UBE3D: variants seen among roughly 807,000 people sequenced by gnomAD.
UBE3D encodes the protein E3 ubiquitin-protein ligase E3D.
A neutral mutation model predicts 49.6 loss-of-function variants in UBE3D; 48 were observed. The ratio of observed to expected loss-of-function variants is 0.97; its 90% CI spans 0.77 to 1.23. UBE3D has a LOEUF of 1.23. Ranked by LOEUF, UBE3D falls within the 50% of genes most tolerant of loss-of-function variation. The pLI is 0.00. For synonymous variants in UBE3D, 189 were observed against 174.2 expected, an observed-to-expected ratio of 1.08 and a Z score of -0.67; for missense variants, 452 against 468.4, an observed-to-expected ratio of 0.96 and a Z score of 0.32.
chr6:82,890,269 C>G (rs1472329582), downstream of UBE3D, among the ~76,000 whole-genome samples: 1 of 152,172 alleles, frequency 6.6e-6, no homozygotes, highest in African/African-American at 2.4e-5. Flanking sequence ...CACCAATTCA[C>G]TCACCCACAG....
intron 5 of UBE3D, among the ~76,000 whole-genome samples, chr6:83,033,462 G>A (rs1466297251): frequency 2.6e-5 from 4 of 152,082 alleles, no homozygotes; most frequent in Non-Finnish European, 5.9e-5. Context: ...GTTGGAGGTG[G>A]GACCTGGTGG....
intron 8 of UBE3D, among the ~76,000 whole-genome samples, chr6:82,961,454 G>A (rs1000715164): frequency 6.6e-6 from 1 of 152,158 alleles, no homozygotes; most frequent in African/African-American, 2.4e-5. Flanking sequence ...TTTAAAAATA[G>A]GAAACCAAAG....
downstream of UBE3D, among the ~76,000 whole-genome samples, chr6:82,889,755 G>C (rs1180684269): frequency 6.6e-6 from 1 of 151,816 alleles, no homozygotes; most frequent in South Asian, 2.1e-4. Context: ...ATGTAAGCTC[G>C]ATGCGGGCAA....
At chr6:82,975,251 G>A (rs1475590178) in intron 8 of UBE3D, among the ~76,000 whole-genome samples, 5 of 151,990 alleles carry the variant, frequency 3.3e-5, no homozygotes, top group Non-Finnish European at 7.4e-5. Context: ...TAAAGTATGA[G>A]ACCTCTAAAA....
chr6:82,952,035 C>T (rs1775836467), intron 9 of UBE3D, among the ~76,000 whole-genome samples: 1 of 152,170 alleles, frequency 6.6e-6, no homozygotes, highest in African/African-American at 2.4e-5. Context: ...TTGAGAAATA[C>T]TGTTTACTAT....
intron 3 of UBE3D, among the ~76,000 whole-genome samples, chr6:83,046,672 C>CCGGGGGGGGGGGGGGGGGGGGGGGG (rs144340435): frequency 9.5e-6 from 1 of 105,054 alleles, no homozygotes; most frequent in African/African-American, 4.7e-5. Context: ...TTGCAGTTGG[C>CCGGGGGGGGGGGGGGGGGGGGGGGG]GGGGGGGGTG....
chr6:83,048,425 C>T (rs548949909), intron 3 of UBE3D, among the ~76,000 whole-genome samples: 1 of 152,228 alleles, frequency 6.6e-6, no homozygotes, highest in Admixed American at 6.5e-5. Flanking sequence ...GGACTTTCTC[C>T]ATCATTAAGA....
chr6:82,962,674 T>C (rs1014566866), intron 8 of UBE3D, among the ~76,000 whole-genome samples: 14 of 152,166 alleles, frequency 9.2e-5, no homozygotes, highest in Admixed American at 9.2e-4. Flanking sequence ...TTGAAGCGCA[T>C]AAAGGAAAAG....
chr6:82,930,980 C>G (rs1266035373), intron 9 of UBE3D, among the ~76,000 whole-genome samples: 1 of 152,224 alleles, frequency 6.6e-6, no homozygotes, highest in Non-Finnish European at 1.5e-5. Flanking sequence ...GCCTGGAGGC[C>G]TAGGAGGAAA....
chr6:82,882,849 A>T, the UBE3D span, among the ~76,000 whole-genome samples: 2 of 152,306 alleles, frequency 1.3e-5, no homozygotes, highest in East Asian at 3.9e-4. Flanking sequence ...CTTTCAGCAC[A>T]TACAAAAGCC....
At position 83,045,885 on chromosome 6, in the gene UBE3D, G is replaced by A. The variant is rs569044513; in HGVS notation, c.366-1226C>T. ...TTAGTCATCATGTCTCCCTAGTCTC[G>A]TCTGGTCTATAACAGTTTCTCAATA... On this transcript the variant is annotated intron_variant, in intron 3 of 9. Coordinates refer to ENST00000369747, the MANE Select transcript of UBE3D (RefSeq NM_198920.3). 1.1e-4 allele frequency among the ~76,000 whole-genome samples: 17 copies of A among 151,918 alleles called. No homozygotes were observed. The East Asian group carries it at 1.7e-3, about 16-fold the overall frequency.
chr6:83,022,617 C>A, intron 6 of UBE3D, 56 bp from the exon 7 acceptor site: 4 of 1,292,924 alleles, frequency 3.1e-6, no homozygotes, highest in Admixed American at 2.9e-5. Flanking sequence ...CTCTAACTGG[C>A]AAGATAAGCA....
At chr6:83,040,027 T>C (rs1307744894) in intron 4 of UBE3D, among the ~76,000 whole-genome samples, 1 of 152,152 alleles carries the variant, frequency 6.6e-6, no homozygotes, top group Non-Finnish European at 1.5e-5. Context: ...AAGAAACTTT[T>C]ATTTGAGGTG....
At chr6:82,923,523 C>A (rs1445169893) in intron 9 of UBE3D, among the ~76,000 whole-genome samples, 1 of 151,934 alleles carries the variant, frequency 6.6e-6, no homozygotes, top group Non-Finnish European at 1.5e-5. Flanking sequence ...AACACATGGA[C>A]ACAGAGAGGG....
chr6:82,978,226 A>T (rs893319659), intron 8 of UBE3D, among the ~76,000 whole-genome samples: 4 of 152,178 alleles, frequency 2.6e-5, no homozygotes, highest in African/African-American at 9.7e-5. Flanking sequence ...GCTGGAAGTC[A>T]TCTTAATAAG....
chr6:83,043,331 ATT>A (rs1782803230), intron 4 of UBE3D, among the ~76,000 whole-genome samples: 7 of 151,908 alleles, frequency 4.6e-5, no homozygotes, highest in Admixed American at 4.6e-4. Flanking sequence ...ATTAGTATAT[ATT>A]TAGATTAAAA....
intron 1 of UBE3D, among the ~76,000 whole-genome samples, chr6:83,059,653 A>G (rs1784039466): frequency 6.6e-6 from 1 of 152,192 alleles, no homozygotes; most frequent in South Asian, 2.1e-4. Flanking sequence ...CAAAAACTTT[A>G]GTCATTTTAT....
chr6:82,969,596 A>G (rs1777201887), intron 8 of UBE3D, among the ~76,000 whole-genome samples: 1 of 152,156 alleles, frequency 6.6e-6, no homozygotes, highest in Non-Finnish European at 1.5e-5. Context: ...TGACAGAGTG[A>G]GACCCTCTCT....
At position 82,919,358 on chromosome 6, in the gene UBE3D, C is replaced by G. The variant is rs931403514; in HGVS notation, c.1150-26316G>C. Among the ~76,000 whole-genome samples, 4 of 151,802 alleles carry G rather than the reference C, an allele frequency of 2.6e-5. No individual in the cohort carries two copies. The South Asian group carries it at 8.3e-4, about 32-fold the overall frequency. ...GTGGCTCATGCCTGTAATCTCAGCA[C>G]TTTGGGAGGCTGAGGCAAGCAGATC... On this transcript the variant is annotated intron_variant, in intron 9 of 9. Transcript: ENST00000369747.
Sources: gnomAD v4.1 joint callset for allele counts (sites outside exome capture counted in the v4.1 genomes callset) on GRCh38, gnomAD v4.1.1 for gene constraint, MANE v1.5 for transcripts, NCBI Gene and HGNC (gene_info 2026-07-23, HGNC 2026-07-21) for gene names.